The following RBM41 variants were observed in gnomAD, a reference collection of about 807,000 sequenced individuals.
RBM41 encodes the protein RNA-binding protein 41.
In RBM41, 14 loss-of-function variants were observed where a neutral mutation model predicts 30.8. That is an observed-to-expected ratio of 0.45 (90% CI 0.30 to 0.71). RBM41 has a LOEUF of 0.71. RBM41 is among the 30% of genes least tolerant of loss of function. RBM41 has a pLI of 0.08. For missense variants in RBM41, 276 were observed against 326.3 expected, an observed-to-expected ratio of 0.85 and a Z score of 1.19; for synonymous variants, 120 against 110.1, an observed-to-expected ratio of 1.09 and a Z score of -0.56.
At chrX:107,082,461 C>T (rs982344019) in intron 6 of RBM41, among the ~76,000 whole-genome samples, 1 of 110,732 alleles carries the variant, frequency 9.0e-6, no homozygotes, top group Admixed American at 9.6e-5. Flanking sequence ...TTTGATTTTC[C>T]TAACATAGAG....
chrX:107,078,185 T>G (rs980340907), intron 6 of RBM41, among the ~76,000 whole-genome samples: 2 of 111,622 alleles, frequency 1.8e-5, no homozygotes, highest in African/African-American at 6.5e-5. Flanking sequence ...TAACAACTAT[T>G]GGTGTTGGCC....
At chrX:107,057,714 C>T (rs1468591272), downstream of RBM41, among the ~76,000 whole-genome samples, 1 of 111,667 alleles carries the variant, frequency 9.0e-6, no homozygotes, top group African/African-American at 3.3e-5. Flanking sequence ...CAAAAGCAAA[C>T]AAATGGGATT....
intron 6 of RBM41, among the ~76,000 whole-genome samples, chrX:107,086,037 G>T (rs908805073): frequency 8.9e-6 from 1 of 111,926 alleles, no homozygotes; most frequent in South Asian, 3.7e-4. Flanking sequence ...GCAAAGGAAT[G>T]TAACAGGTAA....
Position 107,065,613 on chromosome X carries a change from G to A in RBM41, c.*1914C>T, listed in dbSNP as rs1199648753. The A allele has an allele frequency of 2.1e-6, 1 of 481,388 alleles. No homozygotes were observed. Among genetic ancestry groups the A allele is most frequent in the East Asian group, 4.3e-5 (1 of 23,138 alleles). 39.7% of individuals were successfully genotyped at this position (481,388 alleles called of 1,213,427 possible). On this transcript the variant is annotated 3_prime_UTR_variant, in exon 8 of 8. Coordinates refer to ENST00000685964, the MANE Select transcript of RBM41 (RefSeq NM_001324242.2). ...TTTACATCTTTAAAAGAAGCTGAGA[G>A]AAGAGTAAGTATATGTTTATAGTTT... is the stretch of plus-strand genomic sequence containing the variant.
intron 6 of RBM41, among the ~76,000 whole-genome samples, chrX:107,070,882 T>C (rs560008224): frequency 9.2e-6 from 1 of 108,704 alleles, no homozygotes; most frequent in South Asian, 4.0e-4. Flanking sequence ...TGGCATGTGC[T>C]ACTTGTGAGC....
chrX:107,082,828 T>G (rs1401355655), intron 6 of RBM41, among the ~76,000 whole-genome samples: 1 of 111,244 alleles, frequency 9.0e-6, no homozygotes, highest in East Asian at 2.8e-4. Flanking sequence ...ATATATACAC[T>G]AATTCCTGCA....
intron 5 of RBM41, among the ~76,000 whole-genome samples, chrX:107,091,504 C>T (rs1922537701): frequency 9.0e-6 from 1 of 111,656 alleles, no homozygotes; most frequent in Non-Finnish European, 1.9e-5. Context: ...TTGAATTTTA[C>T]CTTTTTGATT....
chrX:107,112,720 A>G, intron 5 of RBM41: 1 of 226,600 alleles, frequency 4.4e-6, no homozygotes, highest in Non-Finnish European at 8.3e-6. Context: ...AACTATTGAT[A>G]CACGCAACAA....
chrX:107,118,812 C>T lies in RBM41; in HGVS notation c.-39G>A, dbSNP rs1206093411. The T allele has an allele frequency of 8.3e-7, 1 of 1,204,601 alleles. No homozygotes were observed. Among genetic ancestry groups the T allele is most frequent in the East Asian group, 3.0e-5 (1 of 33,551 alleles). On this transcript the variant is annotated 5_prime_UTR_variant, in exon 1 of 8. Transcript: ENST00000685964. ...CCTACCTCCAACTTGGGTAAATAGG[C>T]CGCGGACCTCAAGTCCCAGAACTCC...
chrX:107,100,893 C>A (rs1034059194), intron 5 of RBM41, among the ~76,000 whole-genome samples: 4 of 111,886 alleles, frequency 3.6e-5, no homozygotes, highest in Non-Finnish European at 7.5e-5. Context: ...ATGGTATGTT[C>A]ATATAAAGGA....
intron 5 of RBM41, among the ~76,000 whole-genome samples, chrX:107,097,504 T>A: frequency 9.0e-6 from 1 of 111,207 alleles, no homozygotes; most frequent in East Asian, 2.8e-4. Flanking sequence ...GATGGTTTTA[T>A]ACATGTTTGA....
In RBM41 at chrX:107,116,732, G is replaced by C. The variant is rs1248591651; in HGVS notation, c.43C>G (p.Leu15Val). Residue 15 changes from leucine (L) to valine (V), a missense_variant, in exon 2 of 8, where the codon CTG becomes GTG. Transcript: ENST00000685964. ...NSCVKSDEHV[L>V]EELETEGERQ... ...TCCCCTTCTGTTTCCAGCTCCTCCAGGACATGCTCATCACTCTTCACACAG... is the reference window on the plus strand; with the variant it reads ...TCCCCTTCTGTTTCCAGCTCCTCCACGACATGCTCATCACTCTTCACACAG... 8.3e-7 allele frequency: 1 copy of C among 1,209,073 alleles called. No individual in the cohort carries two copies. The highest frequency in any genetic ancestry group is 1.1e-6 in the Non-Finnish European group (1 of 895,079).
chrX:107,106,617 T>C (rs916390449), intron 5 of RBM41, among the ~76,000 whole-genome samples: 9 of 111,215 alleles, frequency 8.1e-5, no homozygotes, highest in African/African-American at 2.6e-4. Flanking sequence ...TTGGAACTAA[T>C]GCAAATGTCC....
At position 107,083,739 on chromosome X, in the gene RBM41, C is replaced by A. The variant is rs1421069980; in HGVS notation, c.999+4697G>T. Reference sequence around the variant, plus strand: ...ACAGTGTTTTTGATTTCTAGCAACTCCTTTTGATTCTTTCTTAGAGTTTCT... The same window carrying A: ...ACAGTGTTTTTGATTTCTAGCAACTACTTTTGATTCTTTCTTAGAGTTTCT... On this transcript the variant is annotated intron_variant, in intron 6 of 7. Coordinates refer to ENST00000685964, the MANE Select transcript of RBM41 (RefSeq NM_001324242.2). Among the ~76,000 whole-genome samples the A allele has an allele frequency of 3.6e-5, 4 of 111,065 alleles. No homozygotes were observed. The Admixed American group carries it at 3.9e-4, about 11-fold the overall frequency.
At chrX:107,091,641 A>T (rs761769706) in intron 5 of RBM41, among the ~76,000 whole-genome samples, 1 of 111,906 alleles carries the variant, frequency 8.9e-6, no homozygotes, top group East Asian at 2.8e-4. Flanking sequence ...ATAAATAATA[A>T]TTTTTATTAG....
intron 6 of RBM41, among the ~76,000 whole-genome samples, chrX:107,073,123 G>A (rs1263700608): frequency 2.7e-5 from 3 of 111,637 alleles, no homozygotes; most frequent in East Asian, 2.8e-4. Flanking sequence ...CACAGGCAAC[G>A]AAAGCAAAAA....
intron 3 of RBM41, 126 bp downstream of exon 3, chrX:107,115,736 G>T: frequency 1.1e-6 from 1 of 936,181 alleles, no homozygotes; most frequent in Non-Finnish European, 1.5e-6. Flanking sequence ...AATCAAAGAA[G>T]ATTCAGACAC....
intron 5 of RBM41, among the ~76,000 whole-genome samples, chrX:107,098,331 C>T (rs1923157662): frequency 9.0e-6 from 1 of 111,368 alleles, no homozygotes; most frequent in Non-Finnish European, 1.9e-5. Flanking sequence ...GGCAAAGTGT[C>T]AAAAGTAGAC....
At chrX:107,053,349 G>A in the RBM41 span, among the ~76,000 whole-genome samples, 2,570 of 61,579 alleles carry the variant, frequency 0.042, no homozygotes, top group African/African-American at 0.079. Flanking sequence ...AGGGTAGGCA[G>A]ACTATTCGTG....
Sources: gnomAD v4.1 joint callset for allele counts (sites outside exome capture counted in the v4.1 genomes callset) on GRCh38, gnomAD v4.1.1 for gene constraint, MANE v1.5 for transcripts, NCBI Gene and HGNC (gene_info 2026-07-23, HGNC 2026-07-21) for gene names.